The following PPHLN1 variants were observed in gnomAD, a reference collection of about 807,000 sequenced individuals.
PPHLN1 encodes periphilin-1.
In PPHLN1, 29 loss-of-function variants were observed where a neutral mutation model predicts 51.3. The ratio of observed to expected loss-of-function variants is 0.57; its 90% CI spans 0.42 to 0.77. PPHLN1 has a LOEUF of 0.77. Ranked by LOEUF, PPHLN1 falls within the 30% of genes least tolerant of loss-of-function variation. The pLI, the probability that PPHLN1 is intolerant of heterozygous loss-of-function variation, is 0.00. For synonymous variants in PPHLN1, 147 were observed against 147.8 expected, an observed-to-expected ratio of 0.99 and a Z score of 0.04; for missense variants, 436 against 438.4, an observed-to-expected ratio of 0.99 and a Z score of 0.05.
At chr12:42,396,865 C>CA (rs374413083) in intron 8 of PPHLN1, among the ~76,000 whole-genome samples, 1,543 of 94,202 alleles carry the variant, frequency 0.016, 21 homozygotes, top group African/African-American at 0.047. Context: ...CCCATCTGTA[C>CA]AAAAAAAAAA....
At chr12:42,410,351 A>C (rs927133640) in intron 9 of PPHLN1, among the ~76,000 whole-genome samples, 3 of 152,188 alleles carry the variant, frequency 2.0e-5, no homozygotes, top group Non-Finnish European at 4.4e-5. Context: ...TATACTAAAA[A>C]TATATTCTTA....
chr12:42,366,531 G>GT (rs879088738), intron 4 of PPHLN1, among the ~76,000 whole-genome samples: 47 of 149,398 alleles, frequency 3.1e-4, no homozygotes, highest in African/African-American at 8.1e-4. Context: ...GGCCTTTCTT[G>GT]TTTTTTTTTG....
At chr12:42,422,886 A>G (rs1370767275) in intron 9 of PPHLN1, among the ~76,000 whole-genome samples, 1 of 152,216 alleles carries the variant, frequency 6.6e-6, no homozygotes, top group Non-Finnish European at 1.5e-5. Flanking sequence ...GGTAAATTCT[A>G]TTTCAAAAAG....
At chr12:42,431,818 C>T in intron 9 of PPHLN1, 2 of 1,315,734 alleles carry the variant, frequency 1.5e-6, no homozygotes, top group East Asian at 2.3e-5. Context: ...GGACCATGCT[C>T]TTCAATCACA....
At chr12:42,349,106 T>C (rs1410707009) in intron 2 of PPHLN1, among the ~76,000 whole-genome samples, 2 of 152,206 alleles carry the variant, frequency 1.3e-5, no homozygotes, top group South Asian at 4.1e-4. Context: ...TAGTATATAG[T>C]CATTTAATAA....
chr12:42,352,286 C>T (rs1451775336), intron 3 of PPHLN1, among the ~76,000 whole-genome samples: 1 of 152,098 alleles, frequency 6.6e-6, no homozygotes, highest in East Asian at 1.9e-4. Flanking sequence ...TAATTCCAAC[C>T]AGCCTGCTTT....
intron 2 of PPHLN1, chr12:42,347,090 G>T (rs1326688719): frequency 6.6e-6 from 1 of 152,146 alleles, no homozygotes; most frequent in Non-Finnish European, 1.5e-5. Flanking sequence ...CTAGCATCCT[G>T]GTGTAGTCAA....
chr12:42,332,818 T>C (rs12581958), intron 1 of PPHLN1: 83,164 of 534,888 alleles, frequency 0.16, 6,804 homozygotes, highest in Admixed American at 0.21. Context: ...GAACTCTTAT[T>C]GTTTATTTTT....
chr12:42,342,381 G>T (rs988886419), intron 2 of PPHLN1, among the ~76,000 whole-genome samples: 1 of 152,154 alleles, frequency 6.6e-6, no homozygotes, highest in African/African-American at 2.4e-5. Flanking sequence ...TGGCCTCCCA[G>T]ATCGTTGGGA....
rs111233058 is a variant in PPHLN1, at chr12:42,441,820, C to T, written c.*311C>T. 9.6e-4 allele frequency: 1,035 copies of T among 1,076,806 alleles called. 5 individuals carry two copies. In the African/African-American group the frequency reaches 0.016, roughly 17 times the overall value. The allele number at this position is 1,076,806 out of a possible 1,614,324, so 66.7% of individuals were successfully genotyped here. On this transcript the variant is annotated 3_prime_UTR_variant, in exon 10 of 10. Transcript: ENST00000358314. Reference sequence around the variant, plus strand: ...CAGGCGTGAGCCACCGCTCCCTGCCCAACACATATACCATCTGAAAATGTT... The same window carrying T: ...CAGGCGTGAGCCACCGCTCCCTGCCTAACACATATACCATCTGAAAATGTT...
chr12:42,329,566 A>G (rs2069378751), intron 1 of PPHLN1, among the ~76,000 whole-genome samples: 1 of 152,192 alleles, frequency 6.6e-6, no homozygotes, highest in South Asian at 2.1e-4. Context: ...GATACTATAT[A>G]GTGTACTTTT....
At chr12:42,444,845 C>G (rs112121429), downstream of PPHLN1, 2 of 566,266 alleles carry the variant, frequency 3.5e-6, no homozygotes, top group Admixed American at 3.2e-5. Context: ...CCATACCTAA[C>G]GCTGTAATGC....
intron 1 of PPHLN1, among the ~76,000 whole-genome samples, chr12:42,330,297 T>C (rs2069505529): frequency 6.6e-6 from 1 of 152,188 alleles, no homozygotes; most frequent in African/African-American, 2.4e-5. Flanking sequence ...GGCCTTCCTC[T>C]TACCTCAACC....
chr12:42,430,059 C>T (rs908269338), intron 9 of PPHLN1, among the ~76,000 whole-genome samples: 12 of 152,060 alleles, frequency 7.9e-5, no homozygotes, highest in African/African-American at 2.7e-4. Context: ...TCCTGGATAG[C>T]CTCTGTTTAG....
At chr12:42,372,291 A>T (rs1041279318) in intron 4 of PPHLN1, among the ~76,000 whole-genome samples, 4 of 152,170 alleles carry the variant, frequency 2.6e-5, no homozygotes, top group Non-Finnish European at 5.9e-5. Flanking sequence ...ACTCTGAGCT[A>T]TTGACATTTG....
At chr12:42,446,670 C>G (rs2083341703), downstream of PPHLN1, 3 of 1,570,818 alleles carry the variant, frequency 1.9e-6, no homozygotes, top group Non-Finnish European at 2.6e-6. Flanking sequence ...CGTCAATCAA[C>G]AAAACCTGAT....
In PPHLN1 at chr12:42,442,037, A is replaced by G. The variant is rs1242707835; in HGVS notation, c.*528A>G. Reference sequence around the variant, plus strand: ...TCTCTGAGAGATACCTCAGAAAAAAATCCGTTTTTCCAAGTAATGAACTCA... The same window carrying G: ...TCTCTGAGAGATACCTCAGAAAAAAGTCCGTTTTTCCAAGTAATGAACTCA... On this transcript the variant is annotated 3_prime_UTR_variant, in exon 10 of 10. Coordinates refer to ENST00000358314, the MANE Select transcript of PPHLN1 (RefSeq NM_201439.2). 1 of 923,788 alleles carries G rather than the reference A, an allele frequency of 1.1e-6. No individual in the cohort carries two copies. Among genetic ancestry groups the G allele is most frequent in the Non-Finnish European group, 1.3e-6 (1 of 773,950 alleles). The allele number at this position is 923,788 out of a possible 1,614,324, so 57.2% of individuals were successfully genotyped here.
At chr12:42,430,172 C>T (rs1178306911) in intron 9 of PPHLN1, among the ~76,000 whole-genome samples, 1 of 152,040 alleles carries the variant, frequency 6.6e-6, no homozygotes, top group African/African-American at 2.4e-5. Flanking sequence ...AAGGTTGAGC[C>T]GCTCACCAAA....
At chr12:42,407,781 T>TGG in intron 9 of PPHLN1, among the ~76,000 whole-genome samples, 1 of 152,368 alleles carries the variant, frequency 6.6e-6, no homozygotes, top group Non-Finnish European at 1.5e-5. Context: ...AAATAATTGT[T>TGG]TGTAAATAAT....
Sources: allele counts gnomAD v4.1 joint callset (sites outside exome capture counted in the v4.1 genomes callset), GRCh38; gene constraint gnomAD v4.1.1; transcripts MANE v1.5; gene names NCBI Gene and HGNC (gene_info 2026-07-23, HGNC 2026-07-21).